CATSPERE: variants seen among roughly 807,000 people sequenced by gnomAD.
The protein encoded by CATSPERE is cation channel sperm-associated auxiliary subunit epsilon.
A neutral mutation model predicts 114.1 loss-of-function variants in CATSPERE; 93 were observed. The observed-to-expected ratio is 0.81, with a 90% CI of 0.69 to 0.97. The LOEUF is 0.97. Among genes scored for constraint, CATSPERE ranks in the 50% least tolerant of loss-of-function variants. The pLI, the probability that CATSPERE is intolerant of heterozygous loss-of-function variation, is 0.00. For missense variants in CATSPERE, 1,058 were observed against 1,131.6 expected (o/e 0.93, Z 0.93); for synonymous variants, 341 against 384.1 (o/e 0.89, Z 1.31).
intron 8 of CATSPERE, among the ~76,000 whole-genome samples, chr1:244,546,359 A>G (rs1489870888): frequency 6.6e-6 from 1 of 152,220 alleles, no homozygotes. Context: ...TTCCCAGACA[A>G]AACTATACTG....
At chr1:244,462,483 C>T (rs1038217702) in intron 1 of CATSPERE, among the ~76,000 whole-genome samples, 2 of 152,064 alleles carry the variant, frequency 1.3e-5, no homozygotes, top group South Asian at 2.1e-4. Context: ...AAAGGCCTGC[C>T]AGGAAAGGTC....
At chr1:244,576,083 C>T (rs569031018) in intron 11 of CATSPERE, among the ~76,000 whole-genome samples, 4 of 152,198 alleles carry the variant, frequency 2.6e-5, no homozygotes, top group South Asian at 2.1e-4. Flanking sequence ...AATACTTTAC[C>T]GGCTCCTCCA....
chr1:244,459,080 C>CTTTTT (rs36076606), upstream of CATSPERE, among the ~76,000 whole-genome samples: 1 of 134,500 alleles, frequency 7.4e-6, no homozygotes, highest in Non-Finnish European at 1.6e-5. Flanking sequence ...CTGGGCTCAG[C>CTTTTT]TTTTTTTTTT....
Position 244,477,579 on chromosome 1 carries a change from G to C in CATSPERE, c.153G>C (p.Trp51Cys). 1.9e-6 allele frequency: 3 copies of C among 1,601,856 alleles called. No individual in the cohort carries two copies. The highest frequency in any genetic ancestry group is 2.6e-6 in the Non-Finnish European group (3 of 1,169,682). The change falls in exon 3 of 22, where the codon TGG (tryptophan) becomes TGC (cysteine). Residue 51 changes from tryptophan to cysteine, a missense_variant. Physicochemically the swap from Trp to Cys is radical, Grantham distance 215. Around this residue, in one of 2 missense-constraint regions of CATSPERE, gnomAD observed 271 missense variants for 225.9 expected, o/e 1.20. Coordinates refer to ENST00000366534, the MANE Select transcript of CATSPERE (RefSeq NM_001130957.2). ...LEYEGTLFTE[W>C]SVPETCFVLN... ...ATGAAGGAACATTATTTACTGAGTG[G>C]AGTGTGCCAGAAACTTGTTTTGTGC...
At chr1:244,451,576 G>A (rs1665604830), upstream of CATSPERE, 2 of 1,525,064 alleles carry the variant, frequency 1.3e-6, no homozygotes, top group Admixed American at 4.2e-5. The surrounding 1 kb of genome is among the most constrained non-coding windows in gnomAD (Gnocchi z 6.6). Context: ...CCGGGCACCA[G>A]GAGCCAGGCA....
chr1:244,620,867 T>A (rs540304521), intron 20 of CATSPERE, among the ~76,000 whole-genome samples: 1 of 150,284 alleles, frequency 6.7e-6, no homozygotes, highest in South Asian at 2.1e-4. Flanking sequence ...CAAGGCAACA[T>A]GTAGGACAAA....
chr1:244,511,353 C>T (rs1326684680), intron 7 of CATSPERE, among the ~76,000 whole-genome samples: 2 of 151,968 alleles, frequency 1.3e-5, no homozygotes, highest in African/African-American at 4.8e-5. Context: ...TGTATCTTTA[C>T]AAGTGAAGTG....
At position 244,572,843 on chromosome 1, in the gene CATSPERE, A is replaced by C; in HGVS notation, c.1950+71A>C. On this transcript the variant is annotated intron_variant, in intron 11 of 21. Coordinates refer to ENST00000366534, the MANE Select transcript of CATSPERE (RefSeq NM_001130957.2). Reference sequence around the variant, plus strand: ...AAAGTATAATATTAACATTTTTGTAAATGGATTTCCCTTCTAGGCTCAGCT... The same window carrying C: ...AAAGTATAATATTAACATTTTTGTACATGGATTTCCCTTCTAGGCTCAGCT... 3 of 1,035,484 alleles carry C rather than the reference A, an allele frequency of 2.9e-6. No individual in the cohort carries two copies. The South Asian group carries it at 6.7e-5, about 23-fold the overall frequency. The allele number at this position is 1,035,484 out of a possible 1,614,324, so 64.1% of individuals were successfully genotyped here.
intron 8 of CATSPERE, among the ~76,000 whole-genome samples, chr1:244,545,855 A>G (rs904752576): frequency 6.6e-6 from 1 of 152,196 alleles, no homozygotes; most frequent in Non-Finnish European, 1.5e-5. Flanking sequence ...CCAAATTTGC[A>G]TGGTTCCTAC....
At position 244,504,223 on chromosome 1, in the gene CATSPERE, A is replaced by G. The variant is rs528843261; in HGVS notation, c.429+5144A>G. 6.6e-6 allele frequency among the ~76,000 whole-genome samples: 1 copy of G among 152,300 alleles called. No individual in the cohort carries two copies. Among genetic ancestry groups the G allele is most frequent in the Admixed American group, 6.5e-5 (1 of 15,300 alleles). On this transcript the variant is annotated intron_variant, in intron 7 of 21. Coordinates refer to ENST00000366534, the MANE Select transcript of CATSPERE (RefSeq NM_001130957.2). This position sits in a 1 kb window ranked among gnomAD's most constrained non-coding sequence, Gnocchi z 4.1. The stretch of plus-strand genomic sequence containing the variant: ...GGCAATACCATGTTCCTTTTATTTC[A>G]TATCTAAGCATTTTGAAAGAGTTTT...
rs549417263 is a variant in CATSPERE at position 244,571,208 on chromosome 1, T to G, written c.1508-1122T>G. 9.3e-4 allele frequency among the ~76,000 whole-genome samples: 141 copies of G among 152,362 alleles called. 3 individuals carry two copies. The highest frequency in any genetic ancestry group is 8.7e-3 in the Admixed American group (133 of 15,302). On this transcript the variant is annotated intron_variant, in intron 10 of 21. Transcript: ENST00000366534. ...GCATATATTTCTGATTAGATAAGTT[T>G]AAGTAGAATACAATTTATAGTAATT...
At chr1:244,625,880 T>A (rs1229213057) in intron 20 of CATSPERE, among the ~76,000 whole-genome samples, 4 of 151,450 alleles carry the variant, frequency 2.6e-5, no homozygotes, top group African/African-American at 9.7e-5. Context: ...TGAGCCACCA[T>A]GCCCGGCCAA....
chr1:244,453,723 AC>A (rs1182800752), upstream of CATSPERE, among the ~76,000 whole-genome samples: 3 of 151,958 alleles, frequency 2.0e-5, no homozygotes, highest in Admixed American at 6.6e-5. Flanking sequence ...CTTAACTGTA[AC>A]CCTATCACAG....
At chr1:244,503,117 G>C (rs1161278953) in intron 7 of CATSPERE, among the ~76,000 whole-genome samples, 1 of 152,170 alleles carries the variant, frequency 6.6e-6, no homozygotes, top group African/African-American at 2.4e-5. Context: ...TGTGTTGCCA[G>C]AATTGGCTAG....
Position 244,566,554 on chromosome 1 carries a change from C to A in CATSPERE, c.1507+5409C>A, listed in dbSNP as rs59950739. On this transcript the variant is annotated intron_variant, in intron 10 of 21. Transcript: ENST00000366534. ...TTAGGATAGTTAGCTCTTCTTGTTGCATTGATTCCTTTACCATTATGTAAT... is the reference window on the plus strand; with the variant it reads ...TTAGGATAGTTAGCTCTTCTTGTTGAATTGATTCCTTTACCATTATGTAAT... 9.8e-3 allele frequency among the ~76,000 whole-genome samples: 1,458 copies of A among 149,532 alleles called. 28 individuals carry two copies. Among genetic ancestry groups the A allele is most frequent in the African/African-American group, 0.033 (1,337 of 40,994 alleles).
intron 21 of CATSPERE, among the ~76,000 whole-genome samples, chr1:244,638,485 C>T (rs1393289): frequency 0.64 from 97,422 of 151,952 alleles, 31,903 homozygotes; most frequent in South Asian, 0.76. Flanking sequence ...CCTGAGCTTC[C>T]CACTCTGGCA....
chr1:244,606,307 G>C (rs1266687659), intron 18 of CATSPERE, among the ~76,000 whole-genome samples: 1 of 152,098 alleles, frequency 6.6e-6, no homozygotes, highest in Admixed American at 6.6e-5. Flanking sequence ...GGCCGCAGCA[G>C]AGTGGTCTTA....
intron 9 of CATSPERE, among the ~76,000 whole-genome samples, chr1:244,553,600 A>AACACACAC (rs1553356088): frequency 9.2e-5 from 3 of 32,576 alleles, no homozygotes; most frequent in Non-Finnish European, 1.2e-4. Flanking sequence ...AAAAAAAAAA[A>AACACACAC]ATACACACAC....
chr1:244,451,932 C>A, upstream of CATSPERE: 2 of 1,117,462 alleles, frequency 1.8e-6, no homozygotes, highest in Admixed American at 3.2e-5. The surrounding 1 kb of genome is among the most constrained non-coding windows in gnomAD (Gnocchi z 6.6). Flanking sequence ...AGAGGCCGGC[C>A]CCGCCCCCGC....
Sources: allele counts gnomAD v4.1 joint callset (sites outside exome capture counted in the v4.1 genomes callset), GRCh38; gene constraint gnomAD v4.1.1; regional missense constraint gnomAD v4.1.1; non-coding constraint Gnocchi (gnomAD v3.1); transcripts MANE v1.5; gene names NCBI Gene and HGNC (gene_info 2026-07-23, HGNC 2026-07-21).